Variants in UBR3 observed in about 807,000 individuals in gnomAD.
UBR3 encodes the protein E3 ubiquitin-protein ligase UBR3.
UBR3 carries 85 observed loss-of-function variants against 243.2 expected under a neutral mutation model. The ratio of observed to expected loss-of-function variants is 0.35; its 90% CI spans 0.29 to 0.42. The LOEUF is 0.42. UBR3 is among the 10% of genes least tolerant of loss of function. The pLI is 1.00. For missense variants in UBR3, 1,686 were observed against 2,300.8 expected (o/e 0.73, Z 5.47); for synonymous variants, 748 against 799.8 (o/e 0.94, Z 1.09).
chr2:169,851,346 A>G (rs1397933372), intron 1 of UBR3, among the ~76,000 whole-genome samples: 2 of 152,156 alleles, frequency 1.3e-5, no homozygotes, highest in Non-Finnish European at 2.9e-5. Flanking sequence ...ATTGGTCTCA[A>G]ACTTCTGAGC....
chr2:170,017,675 C>A (rs929407499), intron 30 of UBR3, among the ~76,000 whole-genome samples: 1 of 151,716 alleles, frequency 6.6e-6, no homozygotes, highest in Admixed American at 6.6e-5. Flanking sequence ...TGAAATGGAA[C>A]AATGCCATTC....
At position 169,881,825 on chromosome 2, in the gene UBR3, A is replaced by G. The variant is rs1402811608; in HGVS notation, c.1038+3251A>G. Among the ~76,000 whole-genome samples the G allele has an allele frequency of 2.0e-4, 28 of 137,366 alleles. No homozygotes were observed. In the Admixed American group the frequency reaches 2.1e-3, roughly 10 times the overall value. 90.1% of individuals were successfully genotyped at this position (137,366 alleles called of 152,430 possible). On this transcript the variant is annotated intron_variant, in intron 5 of 38. Transcript: ENST00000272793. ...TATGTTATAATATACATATAATTAT[A>G]TATGTATGTATACATGTATACATAT...
intron 38 of UBR3, 94 bp from the exon 39 acceptor site, chr2:170,081,632 C>A (rs1178913767): frequency 7.7e-6 from 7 of 904,310 alleles, no homozygotes; most frequent in African/African-American, 1.7e-5. Flanking sequence ...GGAGGTTGCA[C>A]TGCGAGAGAC....
Position 169,945,144 on chromosome 2 carries a change from GTT to G in UBR3, c.2806-1132_2806-1131del, listed in dbSNP as rs892143523. On this transcript the variant is annotated intron_variant, in intron 20 of 38. Coordinates refer to ENST00000272793, the MANE Select transcript of UBR3 (RefSeq NM_172070.4). The stretch of plus-strand genomic sequence containing the variant: ...TTCAGTTTTATTTTTCTTTCTTTTA[GTT>G]TTTTTTTTTTTGGTTGGGGATGGGA... Among the ~76,000 whole-genome samples, 28 of 142,460 alleles carry G rather than the reference GTT, an allele frequency of 2.0e-4. 1 individual carries two copies. The highest frequency in any genetic ancestry group is 2.0e-3 in the Admixed American group (28 of 14,276). The allele number at this position is 142,460 out of a possible 152,430, so 93.5% of individuals were successfully genotyped here.
In UBR3 at chr2:169,828,834, C is replaced by G. The variant is rs1451547422; in HGVS notation, c.545+782C>G. 2.0e-5 allele frequency among the ~76,000 whole-genome samples: 3 copies of G among 152,188 alleles called. No homozygotes were observed. The East Asian group carries it at 5.8e-4, about 29-fold the overall frequency. ...TGTTCACTCACTGATACGTGAACCTCTGTCTAAAAGGAGACAACAAATGCC... is the reference window on the plus strand; with the variant it reads ...TGTTCACTCACTGATACGTGAACCTGTGTCTAAAAGGAGACAACAAATGCC... On this transcript the variant is annotated intron_variant, in intron 1 of 38. Transcript: ENST00000272793.
At chr2:170,071,922 A>G (rs2091706020) in intron 35 of UBR3, among the ~76,000 whole-genome samples, 1 of 152,170 alleles carries the variant, frequency 6.6e-6, no homozygotes, top group African/African-American at 2.4e-5. Flanking sequence ...TCAGGAAACA[A>G]CAGGTGCTGG....
At chr2:169,877,316 G>A (rs1224809270) in intron 3 of UBR3, among the ~76,000 whole-genome samples, 178 bp from the exon 4 acceptor site, 3 of 152,120 alleles carry the variant, frequency 2.0e-5, no homozygotes, top group Middle Eastern at 3.4e-3. Flanking sequence ...GTGTATTCTC[G>A]GATTGTTAGT....
At chr2:169,874,074 C>T (rs948500830) in intron 2 of UBR3, among the ~76,000 whole-genome samples, 1 of 151,822 alleles carries the variant, frequency 6.6e-6, no homozygotes, top group African/African-American at 2.4e-5. Context: ...CATTTTTTAT[C>T]TAAAGATGAT....
chr2:169,949,897 A>G lies in UBR3; in HGVS notation c.3377A>G (p.Tyr1126Cys), dbSNP rs767737985. 4.3e-6 allele frequency: 7 copies of G among 1,612,336 alleles called. No individual in the cohort carries two copies. The highest frequency in any genetic ancestry group is 5.9e-6 in the Non-Finnish European group (7 of 1,179,142). ...TTAATCCAACCAGAAATTCCTAAAT[A>G]CAGTCATGGAGATGGTATAACTGCC... The part of the protein sequence containing the change: ...EILIQPEIPK[Y>C]SHGDGITAVE... The change falls in exon 23 of 39, where the codon TAC (tyrosine) becomes TGC (cysteine). Residue 1126 changes from tyrosine (Y) to cysteine (C), a missense_variant. Tyr to Cys is a radical substitution (Grantham distance 194). This residue lies in a region of UBR3 where 300 missense variants were observed against 314.4 expected (regional missense o/e 0.95). Coordinates refer to ENST00000272793, the MANE Select transcript of UBR3 (RefSeq NM_172070.4).
intron 33 of UBR3, among the ~76,000 whole-genome samples, chr2:170,056,003 C>CTTTT (rs34415442): frequency 7.9e-3 from 699 of 88,880 alleles, no homozygotes; most frequent in African/African-American, 0.01. Context: ...TCTTTTCTTT[C>CTTTT]TTTTTTTTTT....
chr2:169,831,817 T>C (rs1025771770), intron 1 of UBR3, among the ~76,000 whole-genome samples: 6 of 152,220 alleles, frequency 3.9e-5, no homozygotes, highest in African/African-American at 1.4e-4. Context: ...AAGTTTTTGG[T>C]ATTTTAAAAA....
At chr2:169,935,878 A>G (rs1290166440) in intron 19 of UBR3, among the ~76,000 whole-genome samples, 2 of 152,210 alleles carry the variant, frequency 1.3e-5, no homozygotes, top group East Asian at 3.8e-4. Flanking sequence ...TAGGTGCCAC[A>G]TATTTAGTGG....
intron 1 of UBR3, among the ~76,000 whole-genome samples, chr2:169,839,682 T>G (rs1406380231): frequency 6.6e-6 from 1 of 151,974 alleles, no homozygotes; most frequent in African/African-American, 2.4e-5. Flanking sequence ...CACACACACA[T>G]ATAGTGCAAT....
chr2:170,051,608 G>T (rs2091219302), intron 32 of UBR3, among the ~76,000 whole-genome samples: 1 of 152,178 alleles, frequency 6.6e-6, no homozygotes, highest in Non-Finnish European at 1.5e-5. Context: ...GGCCCCCAAA[G>T]TGCTGGGATT....
intron 1 of UBR3, among the ~76,000 whole-genome samples, chr2:169,865,048 G>C (rs911068083): frequency 6.6e-6 from 1 of 151,968 alleles, no homozygotes; most frequent in African/African-American, 2.4e-5. Flanking sequence ...ATGGCACCAA[G>C]GCACTCCAGC....
chr2:170,047,360 A>T (rs2091115643), intron 32 of UBR3, among the ~76,000 whole-genome samples: 1 of 152,196 alleles, frequency 6.6e-6, no homozygotes, highest in Non-Finnish European at 1.5e-5. Context: ...ATAGGCTTTA[A>T]GAAATCCTAA....
intron 31 of UBR3, among the ~76,000 whole-genome samples, chr2:170,039,695 A>G (rs2090917701): frequency 6.6e-6 from 1 of 152,180 alleles, no homozygotes; most frequent in South Asian, 2.1e-4. Context: ...TCTAAAGTGT[A>G]GCTTCAGAAT....
Position 169,862,935 on chromosome 2 carries a change from A to G in UBR3, c.546-9301A>G, listed in dbSNP as rs189599436. On this transcript the variant is annotated intron_variant, in intron 1 of 38. Coordinates refer to ENST00000272793, the MANE Select transcript of UBR3 (RefSeq NM_172070.4). ...TGAATTATCCAAAATTATATGCAGA[A>G]TAATGTGTATCTGTATAATTTGTTG... Among the ~76,000 whole-genome samples the G allele has an allele frequency of 2.1e-3, 320 of 152,346 alleles. 3 individuals are homozygous for G. Among genetic ancestry groups the G allele is most frequent in the African/African-American group, 7.0e-3 (291 of 41,578 alleles).
At position 170,061,446 on chromosome 2, in the gene UBR3, A is replaced by G. The variant is rs575444337; in HGVS notation, c.5019+3A>G. On this transcript the variant is annotated splice_donor_region_variant and intron_variant, in intron 35 of 38. Coordinates refer to ENST00000272793, the MANE Select transcript of UBR3 (RefSeq NM_172070.4). ...GGGAAGATTTACCTAGCTGCCAGGT[A>G]GATAATTTGGGATATGTAAGAGGGA... The G allele has an allele frequency of 6.2e-7, 1 of 1,608,642 alleles. No homozygotes were observed. The highest frequency in any genetic ancestry group is 1.7e-5 in the Admixed American group (1 of 59,014).
Sources: gnomAD v4.1 joint callset for allele counts (sites outside exome capture counted in the v4.1 genomes callset) on GRCh38, gnomAD v4.1.1 for gene constraint, gnomAD v4.1.1 regional missense constraint, MANE v1.5 for transcripts, NCBI Gene and HGNC (gene_info 2026-07-23, HGNC 2026-07-21) for gene names.